Variants in RFC1 observed in about 807,000 individuals in gnomAD.
RFC1 encodes A1 140 kDa subunit.
A neutral mutation model predicts 137.4 loss-of-function variants in RFC1; 37 were observed. That is an observed-to-expected ratio of 0.27 (90% CI 0.21 to 0.35). The LOEUF is 0.35. RFC1 is among the 10% of genes least tolerant of loss of function. The pLI, the probability that RFC1 is intolerant of heterozygous loss-of-function variation, is 1.00. For synonymous variants in RFC1, 429 were observed against 455.7 expected (o/e 0.94, Z 0.75); for missense variants, 1,205 against 1,358.5 (o/e 0.89, Z 1.78).
At chr4:39,353,706 G>C (rs1262524039) in intron 1 of RFC1, among the ~76,000 whole-genome samples, 1 of 152,206 alleles carries the variant, frequency 6.6e-6, no homozygotes, top group East Asian at 1.9e-4. Context: ...AAATTACACA[G>C]TGATTCTTCA....
intron 2 of RFC1, among the ~76,000 whole-genome samples, chr4:39,349,732 C>T (rs892449981): frequency 2.0e-5 from 3 of 152,146 alleles, no homozygotes; most frequent in African/African-American, 4.8e-5. Context: ...AGGCCGGGCA[C>T]GGTGGCTCAC....
intron 4 of RFC1, among the ~76,000 whole-genome samples, chr4:39,340,182 G>A (rs1053073724): frequency 2.6e-5 from 4 of 152,158 alleles, no homozygotes; most frequent in African/African-American, 7.2e-5. Flanking sequence ...TACATGCTAT[G>A]CCGCAAGAAA....
At chr4:39,302,220 A>T (rs2109609288) in intron 19 of RFC1, 58 bp downstream of exon 19, 1 of 1,052,220 alleles carries the variant, frequency 9.5e-7, no homozygotes, top group South Asian at 1.3e-5. Flanking sequence ...CAAGCTACCT[A>T]CAGAACAAGA....
At chr4:39,317,565 A>G (rs1739303908) in intron 9 of RFC1, among the ~76,000 whole-genome samples, 1 of 152,162 alleles carries the variant, frequency 6.6e-6, no homozygotes, top group Admixed American at 6.5e-5. Context: ...CACGTTCTCT[A>G]TGCTATTTCA....
At chr4:39,346,604 G>T (rs1278324763) in intron 2 of RFC1, among the ~76,000 whole-genome samples, 1 of 152,064 alleles carries the variant, frequency 6.6e-6, no homozygotes, top group Non-Finnish European at 1.5e-5. Context: ...TGAAAAAACT[G>T]ATTGTAATCA....
At chr4:39,358,258 G>A (rs924084193) in intron 1 of RFC1, among the ~76,000 whole-genome samples, 1 of 151,834 alleles carries the variant, frequency 6.6e-6, no homozygotes, top group African/African-American at 2.4e-5. Flanking sequence ...CTGGCCAAGA[G>A]CAAAATTCCG....
At chr4:39,355,996 A>G (rs1286216563) in intron 1 of RFC1, 15 of 91,926 alleles carry the variant, frequency 1.6e-4, no homozygotes, top group African/African-American at 5.2e-4. Context: ...GCGAGACTTC[A>G]CCTCAAAAAA....
chr4:39,351,023 G>C (rs1741157302), intron 2 of RFC1, among the ~76,000 whole-genome samples: 1 of 151,964 alleles, frequency 6.6e-6, no homozygotes, highest in Non-Finnish European at 1.5e-5. Flanking sequence ...GGCCAAGGCG[G>C]GCAGATCACG....
chr4:39,289,806 C>A (rs369592722), intron 24 of RFC1, 42 bp downstream of exon 24: 9 of 1,319,676 alleles, frequency 6.8e-6, no homozygotes, highest in African/African-American at 1.5e-5. Context: ...AAGGAAAGAT[C>A]ATCTATTTTG....
At chr4:39,341,362 A>C in intron 4 of RFC1, 2 of 336,976 alleles carry the variant, frequency 5.9e-6, no homozygotes, top group South Asian at 2.4e-5. Context: ...GTTCGTTTAC[A>C]CAGTGTGCCT....
At chr4:39,320,361 A>C (rs1410863993) in intron 9 of RFC1, 22 bp downstream of exon 9, 1 of 1,476,448 alleles carries the variant, frequency 6.8e-7, no homozygotes, top group South Asian at 1.4e-5. Flanking sequence ...AAAAAAAAAA[A>C]AAAAAAAAAC....
At chr4:39,351,585 T>C in intron 1 of RFC1, 109 bp from the exon 2 acceptor site, 2 of 896,070 alleles carry the variant, frequency 2.2e-6, no homozygotes, top group Non-Finnish European at 3.2e-6. Flanking sequence ...CCCTGAGTAA[T>C]TTTTCCATAC....
At chr4:39,293,972 G>A (rs1394216123) in intron 22 of RFC1, among the ~76,000 whole-genome samples, 1 of 152,120 alleles carries the variant, frequency 6.6e-6, no homozygotes, top group Non-Finnish European at 1.5e-5. Context: ...CTCAAGGCCT[G>A]GCGTAGCATC....
chr4:39,362,243 G>C lies in RFC1; in HGVS notation c.3+3996C>G, dbSNP rs141870473. 9.2e-3 allele frequency among the ~76,000 whole-genome samples: 1,401 copies of C among 152,218 alleles called. 11 individuals are homozygous for C. The highest frequency in any genetic ancestry group is 0.03 in the South Asian group (145 of 4,830). ...TTAAGATGGCAATATTCCCTAAATT[G>C]ACCTACAGATTCAATAAATTCCCTA... On this transcript the variant is annotated intron_variant, in intron 1 of 24. Coordinates refer to ENST00000349703, the MANE Select transcript of RFC1 (RefSeq NM_002913.5).
chr4:39,327,079 T>G (rs1460049780), intron 5 of RFC1, among the ~76,000 whole-genome samples: 1 of 152,224 alleles, frequency 6.6e-6, no homozygotes, highest in Non-Finnish European at 1.5e-5. Context: ...TTATCTGGTA[T>G]GTCTGTTTCC....
intron 21 of RFC1, among the ~76,000 whole-genome samples, chr4:39,296,397 C>T (rs1738005361): frequency 1.0e-5 from 1 of 95,854 alleles, no homozygotes; most frequent in Non-Finnish European, 2.0e-5. Context: ...TGCTATCCCT[C>T]CCCCCTCCCC....
At chr4:39,329,926 T>G (rs976139871) in intron 4 of RFC1, among the ~76,000 whole-genome samples, 1 of 151,894 alleles carries the variant, frequency 6.6e-6, no homozygotes, top group East Asian at 1.9e-4. Flanking sequence ...TCCCAGCTAT[T>G]TGGGCAGCTG....
intron 4 of RFC1, among the ~76,000 whole-genome samples, chr4:39,338,693 T>G (rs1228333467): frequency 6.6e-6 from 1 of 152,206 alleles, no homozygotes; most frequent in East Asian, 1.9e-4. Context: ...GATACACAGA[T>G]AGTAAAATAA....
At chr4:39,335,963 C>A (rs757284867) in intron 4 of RFC1, among the ~76,000 whole-genome samples, 21 of 152,294 alleles carry the variant, frequency 1.4e-4, no homozygotes, top group Non-Finnish European at 2.4e-4. Context: ...CTATGTCTCT[C>A]ACAGTTTCAC....
Sources: allele counts gnomAD v4.1 joint callset (sites outside exome capture counted in the v4.1 genomes callset), GRCh38; gene constraint gnomAD v4.1.1; transcripts MANE v1.5; gene names NCBI Gene and HGNC (gene_info 2026-07-23, HGNC 2026-07-21).